ANO5: variants seen among roughly 807,000 people sequenced by gnomAD.
ANO5 encodes anoctamin-5.
A neutral mutation model predicts 121.0 loss-of-function variants in ANO5; 109 were observed. That is an observed-to-expected ratio of 0.90 (90% CI 0.77 to 1.06). ANO5 has a LOEUF of 1.06. Ranked by LOEUF, ANO5 falls within the 50% of genes least tolerant of loss-of-function variation. The pLI is 0.00. For missense variants in ANO5, 1,064 were observed against 1,078.5 expected (o/e 0.99, Z 0.19); for synonymous variants, 406 against 359.9 (o/e 1.13, Z -1.45).
chr11:22,198,232 G>C (rs1851866723), intron 1 of ANO5, among the ~76,000 whole-genome samples: 1 of 152,202 alleles, frequency 6.6e-6, no homozygotes, highest in African/African-American at 2.4e-5. Context: ...GTGTATTTGA[G>C]CTAGGTGTCC....
intron 17 of ANO5, 107 bp from the exon 18 acceptor site, chr11:22,270,200 CTTAAG>C (rs1242398676): frequency 2.1e-5 from 29 of 1,380,184 alleles, no homozygotes; most frequent in Non-Finnish European, 2.5e-5. Flanking sequence ...GCTCTGTGAT[CTTAAG>C]TTATTTAATC....
intron 14 of ANO5, among the ~76,000 whole-genome samples, chr11:22,258,535 TAGAA>T (rs1564941139): frequency 6.6e-6 from 1 of 152,240 alleles, no homozygotes; most frequent in Admixed American, 6.5e-5. Context: ...TAATGATTGA[TAGAA>T]AGCCATCTTT....
rs60388835 is a variant in ANO5, at chr11:22,218,075, CT to C, written c.139-164del. The stretch of plus-strand genomic sequence containing the variant: ...TTATTGCTTTCTTCCCATTTTTCTT[CT>C]TTTTTTCCTTGCTAATTTGTATCCT... On this transcript the variant is annotated intron_variant, in intron 3 of 21. Coordinates refer to ENST00000324559, the MANE Select transcript of ANO5 (RefSeq NM_213599.3). Among the ~76,000 whole-genome samples the C allele has an allele frequency of 0.69, 103,739 of 150,088 alleles. 37,399 individuals are homozygous for C. Among genetic ancestry groups the C allele is most frequent in the Non-Finnish European group, 0.81 (54,721 of 67,720 alleles).
At chr11:22,199,704 T>C (rs1291139852) in intron 1 of ANO5, among the ~76,000 whole-genome samples, 1 of 152,112 alleles carries the variant, frequency 6.6e-6, no homozygotes, top group Admixed American at 6.5e-5. Context: ...CCTGATAAAA[T>C]ATAGGTATTC....
intron 7 of ANO5, among the ~76,000 whole-genome samples, chr11:22,234,119 AT>A (rs1419034490): frequency 6.6e-6 from 1 of 152,118 alleles, no homozygotes; most frequent in African/African-American, 2.4e-5. Flanking sequence ...ACACCCATTG[AT>A]TGGAAAATTT....
chr11:22,281,478 T>A lies in ANO5; in HGVS notation c.*1713T>A, dbSNP rs1365376182. 1 of 151,684 alleles carries A rather than the reference T, an allele frequency of 6.6e-6. No individual in the cohort carries two copies. The highest frequency in any genetic ancestry group is 2.4e-5 in the African/African-American group (1 of 41,378). 9.4% of individuals were successfully genotyped at this position (151,684 alleles called of 1,614,324 possible). ...GGGTAATTTGAAATGATCTCATTAT[T>A]GAAAGATGATTTCATATGTAGAGAA... On this transcript the variant is annotated 3_prime_UTR_variant, in exon 22 of 22. Coordinates refer to ENST00000324559, the MANE Select transcript of ANO5 (RefSeq NM_213599.3).
chr11:22,258,791 T>C (rs991020165), intron 14 of ANO5, among the ~76,000 whole-genome samples: 25 of 152,188 alleles, frequency 1.6e-4, no homozygotes, highest in African/African-American at 5.3e-4. Context: ...TGTGGCCACA[T>C]ATAGTCTCTG....
intron 5 of ANO5, among the ~76,000 whole-genome samples, chr11:22,222,626 C>T (rs1006089084): frequency 2.6e-4 from 39 of 151,944 alleles, no homozygotes; most frequent in African/African-American, 9.2e-4. Context: ...GCTTATGTCT[C>T]GTGGTCAACA....
At position 22,281,217 on chromosome 11, in the gene ANO5, A is replaced by G. The variant is rs1025748403; in HGVS notation, c.*1452A>G. The G allele has an allele frequency of 6.6e-6, 1 of 152,064 alleles. No individual in the cohort carries two copies. Among genetic ancestry groups the G allele is most frequent in the East Asian group, 1.9e-4 (1 of 5,198 alleles). 9.4% of individuals were successfully genotyped at this position (152,064 alleles called of 1,614,324 possible). ...AAAGAATAGTTTTTTAATCACACAC[A>G]TAAGAAATTTTATCACAATATTTAA... On this transcript the variant is annotated 3_prime_UTR_variant, in exon 22 of 22. Coordinates refer to ENST00000324559, the MANE Select transcript of ANO5 (RefSeq NM_213599.3).
chr11:22,200,969 T>G (rs1244365540), intron 1 of ANO5, among the ~76,000 whole-genome samples: 1 of 152,138 alleles, frequency 6.6e-6, no homozygotes, highest in Non-Finnish European at 1.5e-5. Context: ...GATACCCCAC[T>G]GGTACCAAAA....
At chr11:22,271,526 C>G (rs189001869) in intron 18 of ANO5, among the ~76,000 whole-genome samples, 5 of 152,140 alleles carry the variant, frequency 3.3e-5, no homozygotes. Flanking sequence ...ATAATCTTTG[C>G]CTTATAAGGT....
intron 2 of ANO5, among the ~76,000 whole-genome samples, chr11:22,208,168 A>G (rs1590220325): frequency 6.6e-6 from 1 of 152,052 alleles, no homozygotes; most frequent in Admixed American, 6.6e-5. Flanking sequence ...TTGGGTAATC[A>G]TACTCTTGGG....
At chr11:22,195,079 T>C (rs964206119) in intron 1 of ANO5, among the ~76,000 whole-genome samples, 2 of 152,222 alleles carry the variant, frequency 1.3e-5, no homozygotes, top group African/African-American at 4.8e-5. Context: ...TTTCTGTACA[T>C]ACTCACTAAC....
At chr11:22,217,476 A>G (rs1471898499) in intron 3 of ANO5, among the ~76,000 whole-genome samples, 1 of 151,956 alleles carries the variant, frequency 6.6e-6, no homozygotes, top group Non-Finnish European at 1.5e-5. Flanking sequence ...ACTACACATC[A>G]TATCAGTATA....
intron 14 of ANO5, among the ~76,000 whole-genome samples, chr11:22,258,932 G>C (rs937020571): frequency 6.6e-6 from 1 of 152,202 alleles, no homozygotes; most frequent in Admixed American, 6.5e-5. Flanking sequence ...AGGAGATCGA[G>C]ACTATCCTGG....
chr11:22,217,472 C>CATCATATCA (rs1457746639), intron 3 of ANO5, among the ~76,000 whole-genome samples: 1 of 151,622 alleles, frequency 6.6e-6, no homozygotes, highest in East Asian at 1.9e-4. Context: ...CCATACTACA[C>CATCATATCA]ATCATATCAG....
intron 16 of ANO5, 82 bp from the exon 17 acceptor site, chr11:22,262,864 T>C (rs1854235851): frequency 2.8e-6 from 3 of 1,053,332 alleles, no homozygotes; most frequent in South Asian, 1.3e-5. Flanking sequence ...TCTAATTTTA[T>C]AGTTTAGGGT....
chr11:22,272,743 C>T (rs1854668484), intron 18 of ANO5, 41 bp from the exon 19 acceptor site: 3 of 1,579,060 alleles, frequency 1.9e-6, no homozygotes, highest in African/African-American at 1.3e-5. Context: ...TGTCTTTCTC[C>T]TTCACAATAA....
In ANO5 at chr11:22,231,717, G is replaced by A. The variant is rs564378153; in HGVS notation, c.648+4131G>A. Among the ~76,000 whole-genome samples the A allele has an allele frequency of 3.5e-4, 53 of 152,032 alleles. 1 individual carries two copies. Among genetic ancestry groups the A allele is most frequent in the Middle Eastern group, 3.4e-3 (1 of 294 alleles). On this transcript the variant is annotated intron_variant, in intron 7 of 21. Transcript: ENST00000324559. ...GTTTTCTGCTAAAAGAGATACACAT[G>A]TAAAATTTTGAGATCTAAGGACATG... is the stretch of plus-strand genomic sequence containing the variant.
Sources: gnomAD v4.1 joint callset for allele counts (sites outside exome capture counted in the v4.1 genomes callset) on GRCh38, gnomAD v4.1.1 for gene constraint, MANE v1.5 for transcripts, NCBI Gene and HGNC (gene_info 2026-07-23, HGNC 2026-07-21) for gene names.